The following PHRF1 variants were observed in gnomAD, a reference collection of about 807,000 sequenced individuals.
PHRF1 encodes the protein PHD and RING finger domain-containing protein 1.
A neutral mutation model predicts 128.9 loss-of-function variants in PHRF1; 53 were observed. The observed-to-expected ratio is 0.41, with a 90% CI of 0.33 to 0.52. The LOEUF is 0.52. Among genes scored for constraint, PHRF1 ranks in the 20% least tolerant of loss-of-function variants. PHRF1 has a pLI of 0.21. For missense variants in PHRF1, 2,503 were observed against 2,284.5 expected, an observed-to-expected ratio of 1.10 and a Z score of -1.95; for synonymous variants, 1,178 against 980.6, an observed-to-expected ratio of 1.20 and a Z score of -3.76.
rs758926410 is a variant in PHRF1, at chr11:607,853, G to A, written c.2397G>A (p.Thr799=). Residue 799 remains threonine (T), a synonymous_variant, in exon 14 of 18, where the codon ACG becomes ACA. Transcript: ENST00000264555. ...SQLSSPGFCN[T]FRPVDDKEQR... The stretch of plus-strand genomic sequence containing the variant: ...TCTCCAGCCCTGGCTTCTGTAACAC[G>A]TTCCGGCCTGTGGACGATAAGGAGC... The A allele has an allele frequency of 1.7e-5, 28 of 1,612,676 alleles. No homozygotes were observed. The Middle Eastern group carries it at 4.9e-4, about 28-fold the overall frequency.
At position 609,651 on chromosome 11, in the gene PHRF1, C is replaced by T; in HGVS notation, c.4195C>T (p.Leu1399=). ...GACCCCCCTGCTGCGGTCCAGAGCC[C>T]TGGTGAAGCGGGTCACCTGGAACCT... ...SQTPLLRSRA[L]VKRVTWNLQE... The change falls in exon 14 of 18, where the codon CTG becomes TTG. Residue 1399 remains leucine, a synonymous_variant. Coordinates refer to ENST00000264555, the MANE Select transcript of PHRF1 (RefSeq NM_001286581.2). The T allele has an allele frequency of 6.4e-7, 1 of 1,568,904 alleles. No individual in the cohort carries two copies. Among genetic ancestry groups the T allele is most frequent in the African/African-American group, 1.4e-5 (1 of 74,060 alleles).
chr11:597,153 G>A lies in PHRF1; in HGVS notation c.718+133G>A, dbSNP rs547836596. 53 of 1,030,134 alleles carry A rather than the reference G, an allele frequency of 5.1e-5. No homozygotes were observed. The highest frequency in any genetic ancestry group is 1.6e-4 in the East Asian group (6 of 38,322). 63.8% of individuals were successfully genotyped at this position (1,030,134 alleles called of 1,614,324 possible). ...TCTCATGGGGGTTAGGGTTGGCTGC[G>A]GTGTCGGGAGGACATCTAGGGCTGT... On this transcript the variant is annotated intron_variant, in intron 7 of 17. Transcript: ENST00000264555. The surrounding 1 kb of genome is among the most constrained non-coding windows in gnomAD (Gnocchi z 6.5).
rs746556252 is a variant in PHRF1 at position 612,017 on chromosome 11, A to G, written c.*240A>G. On this transcript the variant is annotated 3_prime_UTR_variant, in exon 18 of 18. Coordinates refer to ENST00000264555, the MANE Select transcript of PHRF1 (RefSeq NM_001286581.2). The stretch of plus-strand genomic sequence containing the variant: ...ACTTTTGTATGTATATTATAGAGAC[A>G]CTGTTTCCATTCTAATTTATCAAAA... The G allele has an allele frequency of 5.7e-5, 31 of 542,654 alleles. No homozygotes were observed. The highest frequency in any genetic ancestry group is 9.2e-5 in the Non-Finnish European group (29 of 315,796). 33.6% of individuals were successfully genotyped at this position (542,654 alleles called of 1,614,324 possible). A position where few individuals can be genotyped will look rare whatever the true frequency, so the allele number is the denominator to read the frequency against.
At position 598,415 on chromosome 11, in the gene PHRF1, A is replaced by G; in HGVS notation, c.937A>G (p.Ile313Val). The G allele has an allele frequency of 6.2e-7, 1 of 1,611,336 alleles. No individual in the cohort carries two copies. The highest frequency in any genetic ancestry group is 8.5e-7 in the Non-Finnish European group (1 of 1,179,826). ...CGGGTCTTCCCTGCTGGATGAAGCCATCGAGGCTGTGGCGACTGGCCTGAG... is the reference window on the plus strand; with the variant it reads ...CGGGTCTTCCCTGCTGGATGAAGCCGTCGAGGCTGTGGCGACTGGCCTGAG... Reference protein sequence around the residue: ...RLGSSLLDEAIEAVATGLSTA... With the variant: ...RLGSSLLDEAVEAVATGLSTA... Residue 313 changes from isoleucine (I) to valine (V), a missense_variant, in exon 9 of 18, where the codon ATC becomes GTC. Ile to Val is a conservative substitution (Grantham distance 29). Transcript: ENST00000264555.
Position 607,163 on chromosome 11 carries a change from G to A in PHRF1, c.1707G>A (p.Pro569=), listed in dbSNP as rs777759908. 6 of 1,612,712 alleles carry A rather than the reference G, an allele frequency of 3.7e-6. No individual in the cohort carries two copies. The highest frequency in any genetic ancestry group is 1.1e-5 in the South Asian group (1 of 91,088). The change falls in exon 14 of 18, where the codon CCG becomes CCA. Residue 569 remains proline (P), a synonymous_variant. Transcript: ENST00000264555. ...CCCGAGCACTGCCCTCCGGGAGCCC[G>A]GCCCAAGGCCCGTCAGGAAACAGGC... ...LQPRALPSGS[P]AQGPSGNRPQ...
At chr11:603,395 T>G (rs1200653099) in intron 10 of PHRF1, among the ~76,000 whole-genome samples, 1 of 152,072 alleles carries the variant, frequency 6.6e-6, no homozygotes, top group East Asian at 1.9e-4. Context: ...TGCAGTGACA[T>G]GATCCTGGCT....
At chr11:579,832 A>G (rs1854105279) in intron 1 of PHRF1, among the ~76,000 whole-genome samples, 1 of 152,222 alleles carries the variant, frequency 6.6e-6, no homozygotes, top group Admixed American at 6.5e-5. Context: ...ACTGTTTTAT[A>G]AGGCATCATC....
At chr11:582,525 CTCCT>C (rs1314180001) in intron 3 of PHRF1, among the ~76,000 whole-genome samples, 1 of 151,462 alleles carries the variant, frequency 6.6e-6, no homozygotes, top group Admixed American at 6.6e-5. Context: ...GCCTGTAGTC[CTCCT>C]TTTTTTTCTT....
At chr11:601,537 GCA>G in intron 9 of PHRF1, 35 bp from the exon 10 acceptor site, 1 of 1,612,782 alleles carries the variant, frequency 6.2e-7, no homozygotes, top group South Asian at 1.1e-5. Context: ...GGAGGGCCCA[GCA>G]CAGAGAAGCA....
chr11:583,991 A>G (rs1854371605), intron 3 of PHRF1, among the ~76,000 whole-genome samples: 1 of 152,204 alleles, frequency 6.6e-6, no homozygotes, highest in Non-Finnish European at 1.5e-5. Context: ...ATCTGTGTGT[A>G]GCAGTCTTTC....
In PHRF1 at chr11:611,881, G is replaced by C. The variant is rs1004988439; in HGVS notation, c.*104G>C. On this transcript the variant is annotated 3_prime_UTR_variant, in exon 18 of 18. Coordinates refer to ENST00000264555, the MANE Select transcript of PHRF1 (RefSeq NM_001286581.2). ...AGTGGCGGGAATCGGGGCCATGCCC[G>C]GGGAGCTGTCGGGAGTGGCGGGAAA... 6.8e-7 allele frequency: 1 copy of C among 1,478,752 alleles called. No individual in the cohort carries two copies. The highest frequency in any genetic ancestry group is 1.4e-5 in the African/African-American group (1 of 70,962). The allele number at this position is 1,478,752 out of a possible 1,614,324, so 91.6% of individuals were successfully genotyped here.
At chr11:582,153 A>G (rs1440344373) in intron 3 of PHRF1, 72 bp downstream of exon 3, 10 of 1,543,666 alleles carry the variant, frequency 6.5e-6, no homozygotes, top group Non-Finnish European at 8.7e-6. Flanking sequence ...TTTATAACAC[A>G]TCCTCCGTGA....
In PHRF1 at chr11:605,229, G is replaced by A. The variant is rs775016440; in HGVS notation, c.1263G>A (p.Leu421=). The change falls in exon 11 of 18, where the codon CTG becomes CTA. Residue 421 remains leucine (L), a synonymous_variant. Transcript: ENST00000264555. ...VLKPVEPSLG[L]LRADIGAASL... is the part of the protein sequence containing the mutation. ...AGCCAGTGGAGCCCTCTTTGGGGCT[G>A]CTGAGAGCGGATATTGGAGCTGCCT... 26 of 1,613,412 alleles carry A rather than the reference G, an allele frequency of 1.6e-5. No individual in the cohort carries two copies. The Admixed American group carries it at 4.0e-4, about 25-fold the overall frequency.
At chr11:610,057 C>A in intron 14 of PHRF1, 139 bp from the exon 15 acceptor site, 1 of 1,159,624 alleles carries the variant, frequency 8.6e-7, no homozygotes, top group Non-Finnish European at 1.2e-6. Flanking sequence ...CGCAACCTCC[C>A]CTTGGTGCTG....
At position 607,708 on chromosome 11, in the gene PHRF1, C is replaced by T; in HGVS notation, c.2252C>T (p.Pro751Leu). The T allele has an allele frequency of 1.2e-6, 2 of 1,610,746 alleles. No homozygotes were observed. The highest frequency in any genetic ancestry group is 1.7e-6 in the Non-Finnish European group (2 of 1,178,550). The change falls in exon 14 of 18, where the codon CCA becomes CTA. Residue 751 changes from proline (P) to leucine (L), a missense_variant. Transcript: ENST00000264555. ...PGVHTGSSRP[P>L]APSSHGSLAP... The stretch of plus-strand genomic sequence containing the variant: ...GTGCACACGGGCAGCTCCCGGCCCC[C>T]AGCCCCCAGCTCCCATGGCAGTTTG...
In PHRF1 at chr11:601,590, G is replaced by A; in HGVS notation, c.1041G>A (p.Val347=). Reference sequence around the variant, plus strand: ...TTTCCTTAGGAAGACGGAAGAAAGTGCCGGGAAGAAAGAAAACCCCGTCCG... The same window carrying A: ...TTTCCTTAGGAAGACGGAAGAAAGTACCGGGAAGAAAGAAAACCCCGTCCG... The part of the protein sequence containing the change: ...RKRKTRRRKK[V]PGRKKTPSGP... Residue 347 remains valine, a synonymous_variant, in exon 10 of 18, where the codon GTG becomes GTA. Transcript: ENST00000264555. 3 of 1,613,782 alleles carry A rather than the reference G, an allele frequency of 1.9e-6. No individual in the cohort carries two copies. The highest frequency in any genetic ancestry group is 1.7e-6 in the Non-Finnish European group (2 of 1,179,888).
chr11:607,159 G>C lies in PHRF1; in HGVS notation c.1703G>C (p.Ser568Thr), dbSNP rs764733951. 1 of 1,612,944 alleles carries C rather than the reference G, an allele frequency of 6.2e-7. No individual in the cohort carries two copies. Residue 568 changes from serine (S) to threonine (T), a missense_variant, in exon 14 of 18, where the codon AGC becomes ACC. Physicochemically the swap from Ser to Thr is moderately conservative, Grantham distance 58 (BLOSUM62 1). Transcript: ENST00000264555. Reference protein sequence around the residue: ...CLQPRALPSGSPAQGPSGNRP... With the variant: ...CLQPRALPSGTPAQGPSGNRP... ...CAGCCCCGAGCACTGCCCTCCGGGA[G>C]CCCGGCCCAAGGCCCGTCAGGAAAC...
In PHRF1 at chr11:610,313, C is replaced by T. The variant is rs367623294; in HGVS notation, c.4382C>T (p.Pro1461Leu). 3.6e-5 allele frequency: 57 copies of T among 1,565,504 alleles called. No homozygotes were observed. Among genetic ancestry groups the T allele is most frequent in the Middle Eastern group, 1.7e-4 (1 of 6,004 alleles). Residue 1461 changes from proline (P) to leucine (L), a missense_variant, in exon 15 of 18, where the codon CCG becomes CTG. Physicochemically the swap from Pro to Leu is moderately conservative, Grantham distance 98. Coordinates refer to ENST00000264555, the MANE Select transcript of PHRF1 (RefSeq NM_001286581.2). ...CTGCCCTTTCCCAGTCACGTGCTTCCGGAACCCGGGTTCCCAGACACAGAC... is the reference window on the plus strand; with the variant it reads ...CTGCCCTTTCCCAGTCACGTGCTTCTGGAACCCGGGTTCCCAGACACAGAC... ...SELPFPSHVL[P>L]EPGFPDTDPS... is the part of the protein sequence containing the mutation.
Position 608,296 on chromosome 11 carries a change from C to T in PHRF1, c.2840C>T (p.Ala947Val), listed in dbSNP as rs375152356. The change falls in exon 14 of 18, where the codon GCG (alanine) becomes GTG (valine). Residue 947 changes from alanine to valine, a missense_variant. Physicochemically the swap from Ala to Val is moderately conservative, Grantham distance 64. Transcript: ENST00000264555. ...PPEPWDEEDG[A>V]SCSTFFGSEE... Reference sequence around the variant, plus strand: ...GAGCCCTGGGATGAGGAGGATGGGGCGTCTTGCAGCACCTTCTTTGGCTCT... The same window carrying T: ...GAGCCCTGGGATGAGGAGGATGGGGTGTCTTGCAGCACCTTCTTTGGCTCT... 8.4e-5 allele frequency: 135 copies of T among 1,608,958 alleles called. 2 individuals are homozygous for T. Among genetic ancestry groups the T allele is most frequent in the Middle Eastern group, 3.4e-4 (2 of 5,894 alleles).
Sources: gnomAD v4.1 joint callset for allele counts (sites outside exome capture counted in the v4.1 genomes callset) on GRCh38, gnomAD v4.1.1 for gene constraint, Gnocchi (gnomAD v3.1) non-coding constraint, MANE v1.5 for transcripts, NCBI Gene and HGNC (gene_info 2026-07-23, HGNC 2026-07-21) for gene names.